Variants in ANKMY1 observed in about 807,000 individuals in gnomAD.
ANKMY1 encodes ankyrin repeat and MYND domain containing 1, also known as ankyrin repeat and MYND domain-containing protein 1.
Under a neutral mutation model 102.0 loss-of-function variants are expected in ANKMY1, and 98 were observed. The observed-to-expected ratio is 0.96, with a 90% CI of 0.82 to 1.14. ANKMY1 has a LOEUF of 1.14. Among genes scored for constraint, ANKMY1 ranks in the 50% most tolerant of loss-of-function variants. ANKMY1 has a pLI of 0.00. For synonymous variants in ANKMY1, 582 were observed against 559.9 expected (o/e 1.04, Z -0.56); for missense variants, 1,330 against 1,347.6 (o/e 0.99, Z 0.20).
chr2:240,538,961 T>C (rs944374966), intron 4 of ANKMY1, among the ~76,000 whole-genome samples: 5 of 152,172 alleles, frequency 3.3e-5, no homozygotes, highest in Non-Finnish European at 5.9e-5. Flanking sequence ...CAATCAGCAC[T>C]CTGTGTCTTG....
chr2:240,510,023 C>T (rs1464757014), intron 11 of ANKMY1, among the ~76,000 whole-genome samples: 1 of 142,012 alleles, frequency 7.0e-6, no homozygotes, highest in Non-Finnish European at 1.5e-5. Flanking sequence ...CCTCCCCCGT[C>T]CCTGTCCTCC....
chr2:240,471,299 A>C, the ANKMY1 span, among the ~76,000 whole-genome samples: 1 of 144,998 alleles, frequency 6.9e-6, no homozygotes, highest in Non-Finnish European at 1.5e-5. Context: ...TCTGTCTGTC[A>C]CCAGGCTGGA....
rs560205182 is a variant in ANKMY1 at position 240,537,815 on chromosome 2, C to T, written c.481-8306G>A. ...GTGGAGGTGTAAACTGGTCATAGCC[C>T]ACACCTGCGCCAATCGCTGAGTTTT... On this transcript the variant is annotated intron_variant, in intron 4 of 17. Coordinates refer to ENST00000401804, the MANE Select transcript of ANKMY1 (RefSeq NM_001282771.3). Among the ~76,000 whole-genome samples, 4 of 152,338 alleles carry T rather than the reference C, an allele frequency of 2.6e-5. No homozygotes were observed. The South Asian group carries it at 6.2e-4, about 24-fold the overall frequency.
Position 240,520,530 on chromosome 2 carries a change from C to G in ANKMY1, c.1836G>C (p.Arg612=). The G allele has an allele frequency of 6.2e-7, 1 of 1,611,204 alleles. No individual in the cohort carries two copies. The highest frequency in any genetic ancestry group is 1.3e-5 in the African/African-American group (1 of 75,004). The part of the protein sequence containing the change: ...MRRMALSMIE[R]RKRWRTIKLL... ...GCTTGATGGTCCGCCAGCGCTTCCT[C>G]CGCCTGAAAAAGACGGTGCGCCCGT... Residue 612 remains arginine (R), a synonymous_variant, in exon 9 of 18, where the codon CGG becomes CGC. Transcript: ENST00000401804. This position sits in a 1 kb window ranked among gnomAD's most constrained non-coding sequence, Gnocchi z 4.8.
At chr2:240,544,625 C>G (rs2089867125) in intron 4 of ANKMY1, among the ~76,000 whole-genome samples, 1 of 152,220 alleles carries the variant, frequency 6.6e-6, no homozygotes, top group South Asian at 2.1e-4. Flanking sequence ...GAGTGCCAGA[C>G]AGTGGGCGCA....
intron 12 of ANKMY1, among the ~76,000 whole-genome samples, chr2:240,508,505 G>A (rs1220638871): frequency 1.3e-5 from 2 of 152,216 alleles, no homozygotes; most frequent in Non-Finnish European, 2.9e-5. Flanking sequence ...CACCTCATCT[G>A]AGAAGCATTT....
In ANKMY1 at chr2:240,524,395, C is replaced by T. The variant is rs765744765; in HGVS notation, c.1336-14G>A. 6.4e-7 allele frequency: 1 copy of T among 1,570,688 alleles called. No homozygotes were observed. Among genetic ancestry groups the T allele is most frequent in the African/African-American group, 1.4e-5 (1 of 72,634 alleles). On this transcript the variant is annotated splice_polypyrimidine_tract_variant and intron_variant, in intron 7 of 17. Transcript: ENST00000401804. ...TTTTGGAGGTTCCTTTGGAAAGAACCAAAAAAGTGTCATTAGAATAAATTG... is the reference window on the plus strand; with the variant it reads ...TTTTGGAGGTTCCTTTGGAAAGAACTAAAAAAGTGTCATTAGAATAAATTG...
upstream of ANKMY1, among the ~76,000 whole-genome samples, chr2:240,559,419 G>A (rs1383083424): frequency 6.6e-6 from 1 of 152,188 alleles, no homozygotes; most frequent in East Asian, 1.9e-4. Context: ...ATGGCCATGA[G>A]AGAACAGAGG....
chr2:240,473,478 C>CAAAAA, the ANKMY1 span, among the ~76,000 whole-genome samples: 42 of 135,078 alleles, frequency 3.1e-4, no homozygotes, highest in African/African-American at 1.0e-3. Context: ...ACCAATTAAC[C>CAAAAA]AAAAAAAAAA....
In ANKMY1 at chr2:240,499,755, T is replaced by TC. The variant is rs1342419439; in HGVS notation, c.2806+202dup. ...ACCAACTCCTCTTCCCAGGGACATC[T>TC]CCCCAGTCCAGACCCCACTTCTCAG... On this transcript the variant is annotated intron_variant, in intron 15 of 17. Transcript: ENST00000401804. The surrounding 1 kb of genome is among the most constrained non-coding windows in gnomAD (Gnocchi z 4.2). 6.6e-6 allele frequency among the ~76,000 whole-genome samples: 1 copy of TC among 151,962 alleles called. No individual in the cohort carries two copies. The highest frequency in any genetic ancestry group is 1.5e-5 in the Non-Finnish European group (1 of 67,960).
At chr2:240,543,330 G>A (rs1476092168) in intron 4 of ANKMY1, among the ~76,000 whole-genome samples, 1 of 150,898 alleles carries the variant, frequency 6.6e-6, no homozygotes, top group Non-Finnish European at 1.5e-5. Flanking sequence ...TCCAGCCTGG[G>A]TGATAGAGCG....
At chr2:240,486,311 G>GCA (rs1049698361) in intron 15 of ANKMY1, among the ~76,000 whole-genome samples, 15 of 151,762 alleles carry the variant, frequency 9.9e-5, no homozygotes, top group Admixed American at 2.6e-4. Flanking sequence ...ACACACGCAT[G>GCA]CACACACACA....
intron 11 of ANKMY1, 22 bp from the exon 12 acceptor site, chr2:240,509,477 G>A: frequency 6.4e-7 from 1 of 1,557,538 alleles, no homozygotes. Context: ...GAAATGACAG[G>A]TTAGAGAGGC....
chr2:240,528,128 A>G (rs1182756848), intron 5 of ANKMY1, among the ~76,000 whole-genome samples: 1 of 152,148 alleles, frequency 6.6e-6, no homozygotes, highest in Non-Finnish European at 1.5e-5. Context: ...CTCTACTAAA[A>G]ATACAAAAAT....
rs1433555266 is a variant in ANKMY1 at position 240,479,645 on chromosome 2, C to T, written c.3057G>A (p.Leu1019=). 4 of 1,613,736 alleles carry T rather than the reference C, an allele frequency of 2.5e-6. No individual in the cohort carries two copies. Among genetic ancestry groups the T allele is most frequent in the Non-Finnish European group, 3.4e-6 (4 of 1,180,000 alleles). ...CGDLVAIVTQ[L]EQVSRRREEF... ...CTTCTCTCCTCCTGGAAACTTGCTCCAGTTGTGTCACTGGAGGAGGAAAAG... is the reference window on the plus strand; with the variant it reads ...CTTCTCTCCTCCTGGAAACTTGCTCTAGTTGTGTCACTGGAGGAGGAAAAG... Residue 1019 remains leucine, a synonymous_variant, in exon 18 of 18, where the codon CTG becomes CTA. Coordinates refer to ENST00000401804, the MANE Select transcript of ANKMY1 (RefSeq NM_001282771.3).
At chr2:240,547,038 C>G (rs2090530813) in intron 4 of ANKMY1, among the ~76,000 whole-genome samples, 1 of 152,128 alleles carries the variant, frequency 6.6e-6, no homozygotes, top group African/African-American at 2.4e-5. Context: ...AACTCTCCAC[C>G]CCAAATCAAC....
chr2:240,560,651 T>A (rs1459416196), upstream of ANKMY1: 2 of 1,473,272 alleles, frequency 1.4e-6, no homozygotes, highest in Non-Finnish European at 1.8e-6. Context: ...AAATAGATCC[T>A]CAGGGCCCAA....
chr2:240,560,951 G>A (rs990440994), upstream of ANKMY1: 25 of 1,524,542 alleles, frequency 1.6e-5, no homozygotes, highest in African/African-American at 3.3e-4. Flanking sequence ...GCGCCGCCAT[G>A]GAGGCCGCGG....
chr2:240,527,026 T>G, intron 5 of ANKMY1: 3 of 992,118 alleles, frequency 3.0e-6, no homozygotes, highest in Non-Finnish European at 3.6e-6. Flanking sequence ...GCATGATGGA[T>G]GGATGGATGG....
Sources: allele counts gnomAD v4.1 joint callset (sites outside exome capture counted in the v4.1 genomes callset), GRCh38; gene constraint gnomAD v4.1.1; non-coding constraint Gnocchi (gnomAD v3.1); transcripts MANE v1.5; gene names NCBI Gene and HGNC (gene_info 2026-07-23, HGNC 2026-07-21).